PRKAR1A: variants seen among roughly 807,000 people sequenced by gnomAD.
PRKAR1A encodes the protein cAMP-dependent protein kinase type I-alpha regulatory subunit.
A neutral mutation model predicts 52.0 loss-of-function variants in PRKAR1A; 3 were observed. That is an observed-to-expected ratio of 0.06 (90% confidence interval 0.03 to 0.15). The LOEUF is 0.15. PRKAR1A is among the 10% of genes least tolerant of loss of function. PRKAR1A has a pLI of 1.00. For missense variants in PRKAR1A, 240 were observed against 477.4 expected, an observed-to-expected ratio of 0.50 and a Z score of 4.63; for synonymous variants, 188 against 168.4, an observed-to-expected ratio of 1.12 and a Z score of -0.90.
chr17:68,486,336 C>G, the PRKAR1A span, among the ~76,000 whole-genome samples: 2 of 151,854 alleles, frequency 1.3e-5, no homozygotes, highest in African/African-American at 2.4e-5. Flanking sequence ...TTGGGGCTGC[C>G]TCTTCCTCCT....
the PRKAR1A span, among the ~76,000 whole-genome samples, chr17:68,431,834 G>C: frequency 3.3e-4 from 7 of 21,240 alleles, no homozygotes; most frequent in African/African-American, 1.6e-3. Context: ...CTCACAGACA[G>C]AAACGGGAGA....
chr17:68,500,942 C>T, the PRKAR1A span, among the ~76,000 whole-genome samples: 4 of 152,190 alleles, frequency 2.6e-5, no homozygotes, highest in East Asian at 1.9e-4. Flanking sequence ...ATGGAAACAA[C>T]GCAGTTTTCA....
rs917497011 is a variant in PRKAR1A at position 68,525,833 on chromosome 17, C to G, written c.629C>G (p.Pro210Arg). ...GAACTTGCTTTGATTTATGGAACAC[C>G]GAGAGCAGCCACTGTCAAAGCAAAG... Reference protein sequence around the residue: ...FGELALIYGTPRAATVKAKTN... With the variant: ...FGELALIYGTRRAATVKAKTN... The change falls in exon 7 of 11, where the codon CCG becomes CGG. Residue 210 changes from proline (P) to arginine (R), a missense_variant. Pro to Arg is a moderately radical substitution (Grantham distance 103). Coordinates refer to ENST00000589228, the MANE Select transcript of PRKAR1A (RefSeq NM_002734.5). 6.2e-7 allele frequency: 1 copy of G among 1,613,532 alleles called. No homozygotes were observed. The highest frequency in any genetic ancestry group is 8.5e-7 in the Non-Finnish European group (1 of 1,179,852).
the PRKAR1A span, among the ~76,000 whole-genome samples, chr17:68,496,588 C>T: frequency 2.0e-5 from 3 of 152,104 alleles, no homozygotes; most frequent in East Asian, 3.9e-4. Context: ...GGCAGTAGGA[C>T]GTGGACGTTC....
At chr17:68,534,145 C>T (rs1222369876), downstream of PRKAR1A, among the ~76,000 whole-genome samples, 4 of 152,242 alleles carry the variant, frequency 2.6e-5, no homozygotes, top group East Asian at 1.9e-4. Context: ...GTACATGTAC[C>T]GCTAACATTT....
rs2085656546 is a variant in PRKAR1A, at chr17:68,522,763, C to T, written c.185C>T (p.Ala62Val). ...ACTCGTAATTTCTTTCAGGAGGAGG[C>T]AAAACAGATTCAGAATCTGCAGAAA... is the stretch of plus-strand genomic sequence containing the variant. ...EYFERLEKEE[A>V]KQIQNLQKAG... is the part of the protein sequence containing the mutation. The change falls in exon 3 of 11, where the codon GCA (alanine) becomes GTA (valine). Residue 62 changes from alanine (A) to valine (V), a missense_variant. Ala to Val is a moderately conservative substitution (Grantham distance 64, BLOSUM62 0). Coordinates refer to ENST00000589228, the MANE Select transcript of PRKAR1A (RefSeq NM_002734.5). 1 of 1,614,032 alleles carries T rather than the reference C, an allele frequency of 6.2e-7. No individual in the cohort carries two copies.
the PRKAR1A span, among the ~76,000 whole-genome samples, chr17:68,485,870 C>T: frequency 6.6e-6 from 1 of 152,082 alleles, no homozygotes; most frequent in Non-Finnish European, 1.5e-5. Flanking sequence ...TCCCAAGTAG[C>T]GGGGATTACA....
chr17:68,489,522 G>A, the PRKAR1A span, among the ~76,000 whole-genome samples: 4 of 143,080 alleles, frequency 2.8e-5, no homozygotes, highest in African/African-American at 7.7e-5. Context: ...TATGGAAAGT[G>A]TATATATATA....
the PRKAR1A span, among the ~76,000 whole-genome samples, chr17:68,504,286 G>T: frequency 6.7e-6 from 1 of 150,016 alleles, no homozygotes; most frequent in Non-Finnish European, 1.5e-5. Context: ...CCAACATGAT[G>T]AAACCCCATC....
chr17:68,505,932 G>C, the PRKAR1A span, among the ~76,000 whole-genome samples: 1 of 152,166 alleles, frequency 6.6e-6, no homozygotes, highest in Non-Finnish European at 1.5e-5. Context: ...GGTGGTATCT[G>C]GGAACTCTCT....
chr17:68,414,106 G>A, the PRKAR1A span: 43 of 158,216 alleles, frequency 2.7e-4, no homozygotes, highest in Non-Finnish European at 3.3e-4. Flanking sequence ...GCTGTAGACC[G>A]GAGCTGTTCC....
At chr17:68,420,597 T>C in the PRKAR1A span, 5 of 1,066,674 alleles carry the variant, frequency 4.7e-6, no homozygotes, top group Non-Finnish European at 6.9e-6. Flanking sequence ...TAGCCTTGCA[T>C]ATCCCTTCTG....
intron 11 of PRKAR1A, chr17:68,541,380 T>C (rs186083837): frequency 3.6e-5 from 8 of 225,246 alleles, no homozygotes; most frequent in Admixed American, 2.1e-4. Flanking sequence ...AATGCTCCGA[T>C]GCCCATTTTC....
At chr17:68,534,862 A>G (rs2086060221), downstream of PRKAR1A, among the ~76,000 whole-genome samples, 1 of 152,190 alleles carries the variant, frequency 6.6e-6, no homozygotes, top group Non-Finnish European at 1.5e-5. Flanking sequence ...AAATGTAACT[A>G]GAGACTCCCA....
chr17:68,530,890 T>C lies in PRKAR1A; in HGVS notation c.*441T>C. Reference sequence around the variant, plus strand: ...TCTTTGTAGAATAAATGGTTTCTCATTAAACTCTAAAGATTAGGGAAAATG... The same window carrying C: ...TCTTTGTAGAATAAATGGTTTCTCACTAAACTCTAAAGATTAGGGAAAATG... On this transcript the variant is annotated 3_prime_UTR_variant, in exon 11 of 11. Coordinates refer to ENST00000589228, the MANE Select transcript of PRKAR1A (RefSeq NM_002734.5). The C allele has an allele frequency of 8.8e-7, 1 of 1,132,230 alleles. No homozygotes were observed. Among genetic ancestry groups the C allele is most frequent in the Non-Finnish European group, 1.1e-6 (1 of 918,368 alleles). The allele number at this position is 1,132,230 out of a possible 1,614,324, so 70.1% of individuals were successfully genotyped here. A position where few individuals can be genotyped will look rare whatever the true frequency, so the allele number is the denominator to read the frequency against.
chr17:68,474,919 C>T, the PRKAR1A span, among the ~76,000 whole-genome samples: 6,392 of 152,002 alleles, frequency 0.042, 421 homozygotes, highest in African/African-American at 0.14. Context: ...ATCAAAATGC[C>T]CAAGTTTTCC....
the PRKAR1A span, among the ~76,000 whole-genome samples, chr17:68,436,224 C>A: frequency 6.6e-6 from 1 of 152,136 alleles, no homozygotes; most frequent in Non-Finnish European, 1.5e-5. Flanking sequence ...CACAGCAAGC[C>A]CGAGGGGAAA....
At chr17:68,508,249 A>T (rs544706351), upstream of PRKAR1A, among the ~76,000 whole-genome samples, 15 of 152,354 alleles carry the variant, frequency 9.8e-5, no homozygotes, top group East Asian at 2.9e-3. Flanking sequence ...TCATTGTAGC[A>T]CTATTCACAA....
At chr17:68,457,192 A>C in the PRKAR1A span, 3 of 883,340 alleles carry the variant, frequency 3.4e-6, no homozygotes, top group Non-Finnish European at 1.7e-6. Context: ...GGGTACGGGG[A>C]TAACAAGATC....
Sources: gnomAD v4.1 joint callset for allele counts (sites outside exome capture counted in the v4.1 genomes callset) on GRCh38, gnomAD v4.1.1 for gene constraint, MANE v1.5 for transcripts, NCBI Gene and HGNC (gene_info 2026-07-23, HGNC 2026-07-21) for gene names.